The following CUEDC1 variants were observed in gnomAD, a reference collection of about 807,000 sequenced individuals.
The protein encoded by CUEDC1 is CUE domain containing 1, also known as CUE domain-containing protein 1.
In CUEDC1, 30 loss-of-function variants were observed where a neutral mutation model predicts 43.7. The observed-to-expected ratio is 0.69, with a 90% CI of 0.51 to 0.93. The LOEUF is 0.93. Among genes scored for constraint, CUEDC1 ranks in the 40% least tolerant of loss-of-function variants. CUEDC1 has a pLI of 0.00. For missense variants in CUEDC1, 486 were observed against 549.0 expected (o/e 0.89, Z 1.15); for synonymous variants, 223 against 223.6 (o/e 1.00, Z 0.02).
intron 1 of CUEDC1, among the ~76,000 whole-genome samples, chr17:57,945,153 C>T (rs995881595): frequency 1.3e-5 from 2 of 152,214 alleles, no homozygotes; most frequent in African/African-American, 4.8e-5. Context: ...TCTGCACTGT[C>T]TTCACCCTTG....
rs2075034513 is a variant in CUEDC1 at position 57,954,255 on chromosome 17, T to C, written c.-316+970A>G. Reference sequence around the variant, plus strand: ...ACTGCGGATCAGGTGGGGAGCACGGTGGATGGTCTTCTTGTATCCTCTATC... The same window carrying C: ...ACTGCGGATCAGGTGGGGAGCACGGCGGATGGTCTTCTTGTATCCTCTATC... On this transcript the variant is annotated intron_variant, in intron 1 of 10. Transcript: ENST00000577830. The surrounding 1 kb of genome is among the most constrained non-coding windows in gnomAD (Gnocchi z 4.3). Among the ~76,000 whole-genome samples, 4 of 152,240 alleles carry C rather than the reference T, an allele frequency of 2.6e-5. 1 individual carries two copies. In the South Asian group the frequency reaches 8.3e-4, roughly 32 times the overall value.
chr17:57,952,475 C>G lies in CUEDC1; in HGVS notation c.-316+2750G>C, dbSNP rs146645572. Reference sequence around the variant, plus strand: ...CTCCTGACCTCAGGTGATCCACCCCCCTCGGCCTCCCAGAGTGGTGGGATT... The same window carrying G: ...CTCCTGACCTCAGGTGATCCACCCCGCTCGGCCTCCCAGAGTGGTGGGATT... On this transcript the variant is annotated intron_variant, in intron 1 of 10. Transcript: ENST00000577830. Among the ~76,000 whole-genome samples the G allele has an allele frequency of 4.9e-4, 74 of 152,282 alleles. 1 individual carries two copies. The East Asian group carries it at 0.013, about 27-fold the overall frequency.
At chr17:57,894,572 G>A (rs542444138) in intron 1 of CUEDC1, among the ~76,000 whole-genome samples, 2 of 152,264 alleles carry the variant, frequency 1.3e-5, no homozygotes, top group African/African-American at 4.8e-5. Flanking sequence ...TTGGGAGGCT[G>A]AGGCACTTGA....
chr17:57,885,664 C>A lies in CUEDC1; in HGVS notation c.-100G>T. 7.6e-6 allele frequency: 10 copies of A among 1,321,092 alleles called. No individual in the cohort carries two copies. The highest frequency in any genetic ancestry group is 7.7e-6 in the Non-Finnish European group (8 of 1,040,854). 81.8% of individuals were successfully genotyped at this position (1,321,092 alleles called of 1,614,324 possible). A position where few individuals can be genotyped will look rare whatever the true frequency, so the allele number is the denominator to read the frequency against. ...CGCTTACTTGCCCTGCGGTCTCGGG[C>A]AGCTCACTCCTGCGCCTCCTCCTCC... On this transcript the variant is annotated 5_prime_UTR_variant, in exon 2 of 11. Coordinates refer to ENST00000577830, the MANE Select transcript of CUEDC1 (RefSeq NM_001271875.2).
At position 57,889,315 on chromosome 17, in the gene CUEDC1, T is replaced by C. The variant is rs541932712; in HGVS notation, c.-315-3436A>G. ...GGCCAAGCTGCCCTCACAGGGGGGATGGGGTAGGGAGATTCTAGGGGGGTC... is the reference window on the plus strand; with the variant it reads ...GGCCAAGCTGCCCTCACAGGGGGGACGGGGTAGGGAGATTCTAGGGGGGTC... On this transcript the variant is annotated intron_variant, in intron 1 of 10. Coordinates refer to ENST00000577830, the MANE Select transcript of CUEDC1 (RefSeq NM_001271875.2). Among the ~76,000 whole-genome samples, 57 of 152,030 alleles carry C rather than the reference T, an allele frequency of 3.7e-4. No individual in the cohort carries two copies. In the South Asian group the frequency reaches 0.012, roughly 31 times the overall value.
chr17:57,938,006 T>C lies in CUEDC1; in HGVS notation c.-316+17219A>G, dbSNP rs189599140. 1.2e-4 allele frequency among the ~76,000 whole-genome samples: 19 copies of C among 152,340 alleles called. No individual in the cohort carries two copies. In the East Asian group the frequency reaches 3.7e-3, roughly 29 times the overall value. ...AATAATTGTAATAAAAAATTTGTTA[T>C]AATCTGCCTAAGTCACACAGAGAGT... On this transcript the variant is annotated intron_variant, in intron 1 of 10. Transcript: ENST00000577830.
At position 57,861,812 on chromosome 17, in the gene CUEDC1, C is replaced by T. The variant is rs533556186; in HGVS notation, c.*1477G>A. Reference sequence around the variant, plus strand: ...GAGGCACTCCTCGGAGACCCCCCCCCCTCCCTCCAGGGCCCCAGGCCTGGC... The same window carrying T: ...GAGGCACTCCTCGGAGACCCCCCCCTCTCCCTCCAGGGCCCCAGGCCTGGC... On this transcript the variant is annotated 3_prime_UTR_variant, in exon 11 of 11. Coordinates refer to ENST00000577830, the MANE Select transcript of CUEDC1 (RefSeq NM_001271875.2). 7.3e-5 allele frequency: 11 copies of T among 151,100 alleles called. No individual in the cohort carries two copies. The highest frequency in any genetic ancestry group is 1.3e-4 in the Non-Finnish European group (9 of 67,738). The allele number at this position is 151,100 out of a possible 1,614,324, so 9.4% of individuals were successfully genotyped here. A position where few individuals can be genotyped will look rare whatever the true frequency, so the allele number is the denominator to read the frequency against.
At chr17:57,905,249 G>GACACAC (rs761744709) in intron 1 of CUEDC1, among the ~76,000 whole-genome samples, 2,905 of 127,964 alleles carry the variant, frequency 0.023, 71 homozygotes, top group African/African-American at 0.053. Context: ...CTCTCTCTCT[G>GACACAC]ACACACACAC....
At chr17:57,902,446 A>T (rs151284411) in intron 1 of CUEDC1, among the ~76,000 whole-genome samples, 9 of 152,224 alleles carry the variant, frequency 5.9e-5, no homozygotes, top group Admixed American at 2.6e-4. Context: ...TGTGGGGATT[A>T]GCAGACCCAC....
At chr17:57,887,898 C>CTTTTTTTTTTTTTTTTTTTTTTTTTCTT (rs748886251) in intron 1 of CUEDC1, among the ~76,000 whole-genome samples, 5 of 118,030 alleles carry the variant, frequency 4.2e-5, no homozygotes, top group Non-Finnish European at 8.8e-5. Context: ...TTCTTTTTCT[C>CTTTTTTTTTTTTTTTTTTTTTTTTTCTT]TTTTTTTTTT....
At chr17:57,946,403 C>T (rs551389523) in intron 1 of CUEDC1, among the ~76,000 whole-genome samples, 80 of 152,276 alleles carry the variant, frequency 5.3e-4, no homozygotes, top group African/African-American at 1.8e-3. Flanking sequence ...AGGAAAACTG[C>T]TGATTTTCTA....
At chr17:57,890,572 T>C (rs2074344658) in intron 1 of CUEDC1, among the ~76,000 whole-genome samples, 1 of 152,218 alleles carries the variant, frequency 6.6e-6, no homozygotes, top group Non-Finnish European at 1.5e-5. Flanking sequence ...ACCCCACACC[T>C]GTCCTCCTCC....
intron 1 of CUEDC1, among the ~76,000 whole-genome samples, chr17:57,950,481 T>A (rs75250963): frequency 0.042 from 6,335 of 150,556 alleles, 177 homozygotes; most frequent in South Asian, 0.079. Flanking sequence ...TTATTTATTT[T>A]TTTTTTTTTG....
intron 10 of CUEDC1, among the ~76,000 whole-genome samples, chr17:57,865,772 A>G (rs2073947405): frequency 6.7e-6 from 1 of 150,298 alleles, no homozygotes; most frequent in South Asian, 2.1e-4. Flanking sequence ...GGGGCTGGAG[A>G]GAGTTGTGTG....
chr17:57,890,748 C>T (rs780650113), intron 1 of CUEDC1, among the ~76,000 whole-genome samples: 1 of 152,238 alleles, frequency 6.6e-6, no homozygotes. Flanking sequence ...TGCCCCAGTG[C>T]AGTTCATCTG....
intron 2 of CUEDC1, among the ~76,000 whole-genome samples, chr17:57,880,756 G>A (rs576493126): frequency 1.1e-4 from 16 of 152,272 alleles, no homozygotes; most frequent in African/African-American, 3.4e-4. Context: ...ACAGGCGTGC[G>A]CCACCACCCC....
chr17:57,890,397 A>T (rs558127171), intron 1 of CUEDC1, among the ~76,000 whole-genome samples: 86 of 152,178 alleles, frequency 5.7e-4, no homozygotes, highest in African/African-American at 1.9e-3. Flanking sequence ...ACCTCTCAGA[A>T]CCCCAGCTGC....
intron 1 of CUEDC1, among the ~76,000 whole-genome samples, chr17:57,896,487 GGTGTGTGTGTGTGTGTGT>G (rs1555660568): frequency 5.4e-4 from 70 of 130,372 alleles, no homozygotes; most frequent in Non-Finnish European, 5.9e-4. Context: ...TGCATTATGG[GGTGTGTGTGTGTGTGTGT>G]GTGTGTGTGT....
At chr17:57,928,162 A>T (rs1262023545) in intron 1 of CUEDC1, among the ~76,000 whole-genome samples, 2 of 152,336 alleles carry the variant, frequency 1.3e-5, no homozygotes, top group African/African-American at 4.8e-5. Flanking sequence ...AATCGAATGC[A>T]ATTTAATGTG....
Sources: allele counts gnomAD v4.1 joint callset (sites outside exome capture counted in the v4.1 genomes callset), GRCh38; gene constraint gnomAD v4.1.1; non-coding constraint Gnocchi (gnomAD v3.1); transcripts MANE v1.5; gene names NCBI Gene and HGNC (gene_info 2026-07-23, HGNC 2026-07-21).